The following THUMPD2 variants were observed in gnomAD, a reference collection of about 807,000 sequenced individuals.
THUMPD2 encodes the protein U6 snRNA (guanine-N(2))-methyltransferase THUMPD2.
Under a neutral mutation model 49.4 loss-of-function variants are expected in THUMPD2, and 56 were observed. The ratio of observed to expected loss-of-function variants is 1.13; its 90% CI spans 0.91 to 1.41. The LOEUF is 1.41. Ranked by LOEUF, THUMPD2 falls within the 40% of genes most tolerant of loss-of-function variation. THUMPD2 has a pLI of 0.00. For synonymous variants in THUMPD2, 237 were observed against 205.2 expected (o/e 1.15, Z -1.32); for missense variants, 709 against 594.5 (o/e 1.19, Z -2.00).
chr2:39,777,964 C>A lies in THUMPD2; in HGVS notation c.126+1150G>T, dbSNP rs115455787. Among the ~76,000 whole-genome samples the A allele has an allele frequency of 9.2e-3, 1,408 of 152,260 alleles. 21 individuals are homozygous for A. The highest frequency in any genetic ancestry group is 0.032 in the African/African-American group (1,332 of 41,526). On this transcript the variant is annotated intron_variant, in intron 1 of 9. Transcript: ENST00000505747. ...ATTTAAAAAAACAAGCCAGCGCACC[C>A]CTATGTCATGGTCATATAGTGGGCC...
chr2:39,773,140 A>G (rs1342681883), intron 1 of THUMPD2, among the ~76,000 whole-genome samples: 6 of 152,218 alleles, frequency 3.9e-5, no homozygotes, highest in Non-Finnish European at 7.4e-5. Context: ...TTCTCATTAC[A>G]TAGGTGACAT....
chr2:39,773,325 GA>G (rs1678588232), intron 1 of THUMPD2, among the ~76,000 whole-genome samples: 1 of 151,796 alleles, frequency 6.6e-6, no homozygotes, highest in Non-Finnish European at 1.5e-5. Context: ...CTGGGGGAAC[GA>G]ACTAAATATT....
At chr2:39,760,322 G>A (rs912032759) in intron 6 of THUMPD2, among the ~76,000 whole-genome samples, 1 of 152,048 alleles carries the variant, frequency 6.6e-6, no homozygotes, top group African/African-American at 2.4e-5. Context: ...CTTGGCAGAG[G>A]GAGTAGTTGA....
intron 8 of THUMPD2, among the ~76,000 whole-genome samples, chr2:39,753,830 A>G (rs1267018902): frequency 2.6e-5 from 4 of 152,180 alleles, no homozygotes; most frequent in Non-Finnish European, 4.4e-5. Context: ...TACCTGGATT[A>G]TAACTAGAGT....
chr2:39,769,694 T>C lies in THUMPD2; in HGVS notation c.672+16A>G, dbSNP rs1678051497. The C allele has an allele frequency of 1.3e-6, 2 of 1,493,720 alleles. No individual in the cohort carries two copies. Among genetic ancestry groups the C allele is most frequent in the African/African-American group, 1.5e-5 (1 of 68,710 alleles). 92.5% of individuals were successfully genotyped at this position (1,493,720 alleles called of 1,614,324 possible). A position where few individuals can be genotyped will look rare whatever the true frequency, so the allele number is the denominator to read the frequency against. On this transcript the variant is annotated intron_variant, in intron 3 of 9. Coordinates refer to ENST00000505747, the MANE Select transcript of THUMPD2 (RefSeq NM_025264.5). ...CCAGCCTGGGCGACAGACTCCACTT[T>C]AGGATGCAAGCATACCTGTGCAGTG... is the stretch of plus-strand genomic sequence containing the variant.
rs1010564252 is a variant in THUMPD2 at position 39,744,598 on chromosome 2, T to A, written c.1079-120A>T. The A allele has an allele frequency of 1.3e-5, 8 of 592,660 alleles. 1 individual carries two copies. The highest frequency in any genetic ancestry group is 2.2e-5 in the Non-Finnish European group (8 of 355,572). 36.7% of individuals were successfully genotyped at this position (592,660 alleles called of 1,614,324 possible). A position where few individuals can be genotyped will look rare whatever the true frequency, so the allele number is the denominator to read the frequency against. On this transcript the variant is annotated intron_variant, in intron 8 of 9. Transcript: ENST00000505747. ...GTAACAGATTAACATTTAGGGTTGC[T>A]AATATTGTTTTAAAGTAATTACAAG...
intron 6 of THUMPD2, among the ~76,000 whole-genome samples, chr2:39,756,225 T>A (rs1200562910): frequency 6.6e-6 from 1 of 151,758 alleles, no homozygotes; most frequent in East Asian, 1.9e-4. Context: ...AGCACACAAG[T>A]ATTAGTGTGG....
At chr2:39,751,797 G>A (rs922039270) in intron 8 of THUMPD2, among the ~76,000 whole-genome samples, 2 of 145,338 alleles carry the variant, frequency 1.4e-5, no homozygotes, top group Admixed American at 1.5e-4. Context: ...CGATTCTTCT[G>A]CCTTCCCCTC....
At chr2:39,775,390 C>G (rs1244211615) in intron 1 of THUMPD2, among the ~76,000 whole-genome samples, 1 of 152,054 alleles carries the variant, frequency 6.6e-6, no homozygotes, top group Non-Finnish European at 1.5e-5. Context: ...TTTGAAAGTG[C>G]TACGTGATGG....
intron 8 of THUMPD2, among the ~76,000 whole-genome samples, chr2:39,750,252 C>T (rs1389764672): frequency 6.6e-6 from 1 of 152,230 alleles, no homozygotes; most frequent in African/African-American, 2.4e-5. Flanking sequence ...ACAACCTCAC[C>T]ACCATCTGTT....
intron 9 of THUMPD2, among the ~76,000 whole-genome samples, chr2:39,743,582 G>A (rs1674190017): frequency 1.3e-5 from 2 of 152,146 alleles, no homozygotes; most frequent in African/African-American, 4.8e-5. Flanking sequence ...CTCCCTGTGA[G>A]GGGTGATAAT....
Position 39,751,681 on chromosome 2 carries a change from A to ATTTT in THUMPD2, c.1078+3610_1078+3613dup, listed in dbSNP as rs11284104. ...ACATATGATTTATTCATATTAAAAG[A>ATTTT]TTTTTTTTTTTTTTTTTTTTTGAGA... On this transcript the variant is annotated intron_variant, in intron 8 of 9. Coordinates refer to ENST00000505747, the MANE Select transcript of THUMPD2 (RefSeq NM_025264.5). 5.0e-3 allele frequency among the ~76,000 whole-genome samples: 598 copies of ATTTT among 119,884 alleles called. 5 individuals are homozygous for ATTTT. Among genetic ancestry groups the ATTTT allele is most frequent in the East Asian group, 0.013 (49 of 3,912 alleles). The allele number at this position is 119,884 out of a possible 152,430, so 78.6% of individuals were successfully genotyped here.
At chr2:39,744,162 A>G (rs899065515) in intron 9 of THUMPD2, among the ~76,000 whole-genome samples, 1 of 151,946 alleles carries the variant, frequency 6.6e-6, no homozygotes, top group African/African-American at 2.4e-5. Context: ...GAAAATTAAT[A>G]TTTTTCTGAA....
intron 8 of THUMPD2, among the ~76,000 whole-genome samples, chr2:39,753,256 G>A (rs2148246681): frequency 6.6e-6 from 1 of 152,248 alleles, no homozygotes; most frequent in South Asian, 2.1e-4. Flanking sequence ...CTCCAGGGAA[G>A]CTGCCCTTGA....
intron 8 of THUMPD2, among the ~76,000 whole-genome samples, chr2:39,747,293 A>C (rs988862808): frequency 6.6e-6 from 1 of 152,142 alleles, no homozygotes; most frequent in Non-Finnish European, 1.5e-5. Flanking sequence ...TTAGATTATG[A>C]CCTTCTCTCG....
chr2:39,754,552 A>G (rs943981697), intron 8 of THUMPD2, among the ~76,000 whole-genome samples: 16 of 152,312 alleles, frequency 1.1e-4, no homozygotes, highest in Admixed American at 3.3e-4. Flanking sequence ...ACAGAATACA[A>G]TGTTCTTACC....
Position 39,769,084 on chromosome 2 carries a change from T to G in THUMPD2, c.673-583A>C, listed in dbSNP as rs753057877. On this transcript the variant is annotated intron_variant, in intron 3 of 9. Coordinates refer to ENST00000505747, the MANE Select transcript of THUMPD2 (RefSeq NM_025264.5). ...AGTCTAGGTCCTGGTGACAATCCCA[T>G]GTACAGGACCTGTGCAGAGTAGCCA... 8 of 1,304,138 alleles carry G rather than the reference T, an allele frequency of 6.1e-6. No homozygotes were observed. The Admixed American group carries it at 1.1e-4, about 19-fold the overall frequency. 80.8% of individuals were successfully genotyped at this position (1,304,138 alleles called of 1,614,324 possible).
At chr2:39,759,726 A>T (rs1319864184) in intron 6 of THUMPD2, among the ~76,000 whole-genome samples, 1 of 152,238 alleles carries the variant, frequency 6.6e-6, no homozygotes, top group Non-Finnish European at 1.5e-5. Flanking sequence ...CATCTGTGTC[A>T]CCGGAAGCTA....
rs770663703 is a variant in THUMPD2, at chr2:39,766,112, G to GA, written c.751-4dup. The GA allele has an allele frequency of 7.0e-6, 11 of 1,566,134 alleles. No homozygotes were observed. The highest frequency in any genetic ancestry group is 9.5e-6 in the Non-Finnish European group (11 of 1,162,202). ...ATGTCATTTAGATGTATAAAGATCT[G>GA]AAAGAACAAACACAGAAGTTAGAAT... On this transcript the variant is annotated splice_region_variant and splice_polypyrimidine_tract_variant and intron_variant, in intron 4 of 9. Transcript: ENST00000505747.
Sources: allele counts gnomAD v4.1 joint callset (sites outside exome capture counted in the v4.1 genomes callset), GRCh38; gene constraint gnomAD v4.1.1; transcripts MANE v1.5; gene names NCBI Gene and HGNC (gene_info 2026-07-23, HGNC 2026-07-21).